The following PBX1 variants were observed in gnomAD, a reference collection of about 807,000 sequenced individuals.
The protein encoded by PBX1 is PBX homeobox 1, also known as pre-B-cell leukemia transcription factor 1.
A neutral mutation model predicts 53.4 loss-of-function variants in PBX1; 6 were observed. That is an observed-to-expected ratio of 0.11 (90% confidence interval 0.06 to 0.22). PBX1 has a LOEUF of 0.22. Ranked by LOEUF, PBX1 falls within the 10% of genes least tolerant of loss-of-function variation. The pLI, the probability that PBX1 is intolerant of heterozygous loss-of-function variation, is 1.00. For synonymous variants in PBX1, 204 were observed against 212.3 expected (o/e 0.96, Z 0.34); for missense variants, 251 against 551.4 (o/e 0.46, Z 5.46).
chr1:164,667,708 G>C (rs994193731), intron 2 of PBX1, among the ~76,000 whole-genome samples: 1 of 152,124 alleles, frequency 6.6e-6, no homozygotes, highest in African/African-American at 2.4e-5. Flanking sequence ...TAATTTTGCC[G>C]AGACAACGCA....
chr1:164,809,156 A>G (rs1265811916), intron 5 of PBX1, among the ~76,000 whole-genome samples: 1 of 152,210 alleles, frequency 6.6e-6, no homozygotes, highest in African/African-American at 2.4e-5. Context: ...TAATTAAATT[A>G]CTACTGTCTG....
intron 5 of PBX1, 29 bp from the exon 6 acceptor site, chr1:164,811,961 C>T (rs1558022354): frequency 1.9e-6 from 3 of 1,581,912 alleles, no homozygotes. Flanking sequence ...GAAATGTGAA[C>T]TTTCTCATCT....
chr1:164,801,053 T>TCCTCACTC (rs57147612), intron 4 of PBX1, among the ~76,000 whole-genome samples: 2,340 of 152,280 alleles, frequency 0.015, 65 homozygotes, highest in African/African-American at 0.053. Context: ...GCATCTTTTT[T>TCCTCACTC]CCTCACTCCC....
chr1:164,644,656 A>G (rs1162241138), intron 2 of PBX1, among the ~76,000 whole-genome samples: 1 of 152,164 alleles, frequency 6.6e-6, no homozygotes, highest in Non-Finnish European at 1.5e-5. Context: ...GCCAAGTAAC[A>G]TGAATTGCCT....
chr1:164,758,815 C>T (rs1453581000), intron 2 of PBX1, among the ~76,000 whole-genome samples: 1 of 152,108 alleles, frequency 6.6e-6, no homozygotes, highest in African/African-American at 2.4e-5. Context: ...AGCTGAGTGC[C>T]TGTTGTGCTC....
At position 164,570,089 on chromosome 1, in the gene PBX1, T is replaced by C. The variant is rs192285234; in HGVS notation, c.265+6778T>C. ...AGCAACTGGAGGCATTGTGTAATCA[T>C]AGTTAAAAACATTTCATTTTCTCTC... is the stretch of plus-strand genomic sequence containing the variant. On this transcript the variant is annotated intron_variant, in intron 2 of 8. Coordinates refer to ENST00000420696, the MANE Select transcript of PBX1 (RefSeq NM_002585.4). 4.0e-4 allele frequency among the ~76,000 whole-genome samples: 61 copies of C among 152,348 alleles called. 1 individual carries two copies. The highest frequency in any genetic ancestry group is 1.0e-4 in the Non-Finnish European group (7 of 68,032).
intron 2 of PBX1, among the ~76,000 whole-genome samples, chr1:164,568,039 C>G (rs1370881904): frequency 6.6e-6 from 1 of 152,130 alleles, no homozygotes; most frequent in Non-Finnish European, 1.5e-5. Context: ...TGGTGCCAGA[C>G]CTATTCACAT....
chr1:164,757,809 T>TCCAAGG (rs56274742), intron 2 of PBX1, among the ~76,000 whole-genome samples: 2 of 5,598 alleles, frequency 3.6e-4, no homozygotes, highest in Non-Finnish European at 5.3e-3. Flanking sequence ...AGTAAAACTT[T>TCCAAGG]TTATCAACCA....
chr1:164,605,598 G>A (rs1455208558), intron 2 of PBX1, among the ~76,000 whole-genome samples: 1 of 152,194 alleles, frequency 6.6e-6, no homozygotes, highest in Non-Finnish European at 1.5e-5. Context: ...TGAAACTCCA[G>A]TGTTTAGAAT....
chr1:164,804,713 A>G (rs752604899), intron 4 of PBX1, among the ~76,000 whole-genome samples: 32 of 152,228 alleles, frequency 2.1e-4, no homozygotes, highest in Non-Finnish European at 4.4e-4. Flanking sequence ...CTGTCAGGAC[A>G]TGCTTTGGGG....
intron 2 of PBX1, among the ~76,000 whole-genome samples, chr1:164,756,609 A>G (rs1666539039): frequency 1.3e-5 from 2 of 152,216 alleles, no homozygotes; most frequent in South Asian, 2.1e-4. Flanking sequence ...TCAGAATGGA[A>G]GCCTATATCA....
At position 164,611,363 on chromosome 1, in the gene PBX1, G is replaced by C. The variant is rs532940319; in HGVS notation, c.265+48052G>C. Among the ~76,000 whole-genome samples, 7 of 152,094 alleles carry C rather than the reference G, an allele frequency of 4.6e-5. No individual in the cohort carries two copies. In the East Asian group the frequency reaches 5.8e-4, roughly 13 times the overall value. Reference sequence around the variant, plus strand: ...TGCCATTCTTCTGCCTCAGCCTCCCGAGTAGCTGGGACTACAGGCGCCCGC... The same window carrying C: ...TGCCATTCTTCTGCCTCAGCCTCCCCAGTAGCTGGGACTACAGGCGCCCGC... On this transcript the variant is annotated intron_variant, in intron 2 of 8. Coordinates refer to ENST00000420696, the MANE Select transcript of PBX1 (RefSeq NM_002585.4).
At position 164,637,372 on chromosome 1, in the gene PBX1, G is replaced by A. The variant is rs545594246; in HGVS notation, c.265+74061G>A. Among the ~76,000 whole-genome samples the A allele has an allele frequency of 3.3e-5, 5 of 152,280 alleles. No individual in the cohort carries two copies. The South Asian group carries it at 1.0e-3, about 32-fold the overall frequency. ...AAACTGAGAGAAAAAATGGATTAAC[G>A]TGATTCTTATGTGGGTCTAGCGTGA... On this transcript the variant is annotated intron_variant, in intron 2 of 8. Transcript: ENST00000420696.
intron 2 of PBX1, among the ~76,000 whole-genome samples, chr1:164,601,076 T>C (rs1388210537): frequency 6.6e-6 from 1 of 151,474 alleles, no homozygotes; most frequent in Admixed American, 6.6e-5. Context: ...CCGTCTCTAC[T>C]AAAAATACAA....
intron 2 of PBX1, chr1:164,641,075 G>T (rs1315386985): frequency 6.5e-6 from 1 of 152,748 alleles, no homozygotes; most frequent in African/African-American, 2.4e-5. Flanking sequence ...ACCATTCTGG[G>T]ACTTTGAGCA....
At chr1:164,883,408 G>T (rs1672707368) in intron 2 of PBX1, among the ~76,000 whole-genome samples, 1 of 152,144 alleles carries the variant, frequency 6.6e-6, no homozygotes, top group Non-Finnish European at 1.5e-5. Context: ...TATAATTATT[G>T]CTTTATATCT....
intron 2 of PBX1, among the ~76,000 whole-genome samples, chr1:164,711,395 C>CT (rs1280835261): frequency 2.0e-5 from 3 of 152,310 alleles, no homozygotes; most frequent in African/African-American, 7.2e-5. Flanking sequence ...TCCCGAGTAG[C>CT]TGGGACTACA....
At chr1:164,668,346 C>T (rs6703458) in intron 2 of PBX1, among the ~76,000 whole-genome samples, 4,386 of 152,136 alleles carry the variant, frequency 0.029, 95 homozygotes, top group South Asian at 0.055. Context: ...GGCGGTGGTT[C>T]GACTTTGAGG....
chr1:164,854,881 T>A (rs1671943687), downstream of PBX1, among the ~76,000 whole-genome samples: 1 of 151,122 alleles, frequency 6.6e-6, no homozygotes, highest in Non-Finnish European at 1.5e-5. Flanking sequence ...CAAAATTCAC[T>A]CTCTCCCACA....
Sources: allele counts gnomAD v4.1 joint callset (sites outside exome capture counted in the v4.1 genomes callset), GRCh38; gene constraint gnomAD v4.1.1; transcripts MANE v1.5; gene names NCBI Gene and HGNC (gene_info 2026-07-23, HGNC 2026-07-21).